Variants in CLIC5 observed in about 807,000 individuals in gnomAD.
CLIC5 encodes the protein chloride intracellular channel protein 5.
CLIC5 carries 20 observed loss-of-function variants against 24.7 expected under a neutral mutation model. That is an observed-to-expected ratio of 0.81 (90% CI 0.57 to 1.18). The LOEUF (loss-of-function observed/expected upper bound fraction) is 1.18, where lower values mean the gene tolerates loss of function less well. Among genes scored for constraint, CLIC5 ranks in the 50% most tolerant of loss-of-function variants. CLIC5 has a pLI of 0.00. For synonymous variants in CLIC5, 159 were observed against 135.6 expected, an observed-to-expected ratio of 1.17 and a Z score of -1.20; for missense variants, 341 against 326.1, an observed-to-expected ratio of 1.05 and a Z score of -0.35.
intron 1 of CLIC5, among the ~76,000 whole-genome samples, chr6:45,980,612 G>T (rs115996468): frequency 2.8e-4 from 43 of 151,622 alleles, no homozygotes; most frequent in African/African-American, 1.0e-3. Flanking sequence ...TCACCACAAA[G>T]AAAAGAATAC....
chr6:45,893,228 TG>T (rs1321134345), intron 6 of CLIC5, among the ~76,000 whole-genome samples: 2 of 149,374 alleles, frequency 1.3e-5, no homozygotes, highest in African/African-American at 2.5e-5. Flanking sequence ...AGTGCCACCC[TG>T]GTTTTTTTTT....
At chr6:46,110,217 G>A in the CLIC5 span, among the ~76,000 whole-genome samples, 1 of 152,210 alleles carries the variant, frequency 6.6e-6, no homozygotes, top group East Asian at 1.9e-4. Flanking sequence ...CTCACCACCT[G>A]TTTCTTTGTT....
chr6:45,905,074 A>C (rs1369967331), intron 5 of CLIC5, among the ~76,000 whole-genome samples: 1 of 152,104 alleles, frequency 6.6e-6, no homozygotes, highest in African/African-American at 2.4e-5. Context: ...TTACATGGCT[A>C]TGTAGTATTC....
intron 1 of CLIC5, among the ~76,000 whole-genome samples, chr6:46,008,020 A>G (rs1766652660): frequency 6.7e-6 from 1 of 150,034 alleles, no homozygotes; most frequent in Non-Finnish European, 1.5e-5. Context: ...CTTTTAGGGT[A>G]TCCATCATAC....
chr6:45,962,163 CATAAT>C (rs1764867460), intron 1 of CLIC5, among the ~76,000 whole-genome samples: 4 of 148,888 alleles, frequency 2.7e-5, no homozygotes, highest in Admixed American at 2.7e-4. Flanking sequence ...ATTATAATAA[CATAAT>C]ATTATATATA....
upstream of CLIC5, among the ~76,000 whole-genome samples, chr6:46,084,768 C>T (rs1218254893): frequency 1.3e-5 from 2 of 152,136 alleles, no homozygotes; most frequent in Non-Finnish European, 2.9e-5. Flanking sequence ...ATGCTTTTCT[C>T]GAGGAGAATC....
At chr6:46,093,696 A>C in the CLIC5 span, among the ~76,000 whole-genome samples, 1 of 152,228 alleles carries the variant, frequency 6.6e-6, no homozygotes, top group Non-Finnish European at 1.5e-5. Flanking sequence ...TAATATGACT[A>C]CTTGGGGAAA....
intron 4 of CLIC5, among the ~76,000 whole-genome samples, chr6:45,930,865 C>T (rs1457607088): frequency 6.6e-6 from 1 of 152,136 alleles, no homozygotes; most frequent in Non-Finnish European, 1.5e-5. Context: ...CTCCATATTA[C>T]CGTTGAGGAG....
chr6:46,126,611 C>T, the CLIC5 span, among the ~76,000 whole-genome samples: 53 of 152,238 alleles, frequency 3.5e-4, no homozygotes, highest in African/African-American at 1.3e-3. Flanking sequence ...CTTTCAAAAT[C>T]ACTAAAATGC....
chr6:45,885,178 T>C (rs1762295140), intron 6 of CLIC5, among the ~76,000 whole-genome samples: 1 of 152,116 alleles, frequency 6.6e-6, no homozygotes, highest in Non-Finnish European at 1.5e-5. Context: ...GTGGGGCCTT[T>C]GAGAGGAGGA....
At chr6:45,904,665 C>CT (rs1561920453) in intron 5 of CLIC5, among the ~76,000 whole-genome samples, 21 of 2,414 alleles carry the variant, frequency 8.7e-3, no homozygotes, top group African/African-American at 0.026. Context: ...TCCCTCCCTA[C>CT]TCCCTTCCTT....
At chr6:45,907,962 G>A (rs1366348460) in intron 5 of CLIC5, among the ~76,000 whole-genome samples, 1 of 152,026 alleles carries the variant, frequency 6.6e-6, no homozygotes, top group Non-Finnish European at 1.5e-5. Context: ...AGCGGTGAGT[G>A]GGCATCCTTG....
At chr6:45,949,524 G>A (rs1314537139) in intron 2 of CLIC5, 143 bp from the exon 3 acceptor site, 4 of 876,722 alleles carry the variant, frequency 4.6e-6, no homozygotes, top group Non-Finnish European at 6.8e-6. Context: ...GCAGTATAGG[G>A]CAGGGGAGGT....
chr6:45,935,230 C>A (rs1157077726), intron 4 of CLIC5, among the ~76,000 whole-genome samples: 1 of 152,158 alleles, frequency 6.6e-6, no homozygotes, highest in East Asian at 1.9e-4. Context: ...AAGTAGGTGT[C>A]AAAGAAACCC....
chr6:46,023,608 G>A lies in CLIC5; in HGVS notation c.540+56095C>T, dbSNP rs537426291. ...ACACACCCAGAGATGAAATGAAAAA[G>A]GAAACATAGGGTCCAAGAGATGGCA... is the stretch of plus-strand genomic sequence containing the variant. On this transcript the variant is annotated intron_variant, in intron 1 of 5. Coordinates refer to the CLIC5 transcript ENST00000185206. Among the ~76,000 whole-genome samples the A allele has an allele frequency of 9.8e-4, 149 of 152,214 alleles. 1 individual carries two copies. Among genetic ancestry groups the A allele is most frequent in the Middle Eastern group, 6.8e-3 (2 of 294 alleles).
At chr6:46,088,161 C>CTGTGTGTGTGTGTG in the CLIC5 span, among the ~76,000 whole-genome samples, 3,412 of 146,406 alleles carry the variant, frequency 0.023, 46 homozygotes, top group Middle Eastern at 0.038. Flanking sequence ...CGCTCTCTTT[C>CTGTGTGTGTGTGTG]TGTGTGTGTG....
chr6:45,885,512 G>T (rs2127281065), intron 6 of CLIC5, among the ~76,000 whole-genome samples: 1 of 152,224 alleles, frequency 6.6e-6, no homozygotes, highest in East Asian at 1.9e-4. Context: ...TTAAAAAATA[G>T]GTCAAATTGA....
At chr6:45,979,796 A>G (rs867617301) in intron 1 of CLIC5, among the ~76,000 whole-genome samples, 3 of 151,284 alleles carry the variant, frequency 2.0e-5, no homozygotes, top group Admixed American at 6.6e-5. Context: ...TGTGAGATGC[A>G]TCATAGTATG....
the CLIC5 span, among the ~76,000 whole-genome samples, chr6:46,117,983 C>T: frequency 1.3e-5 from 2 of 152,276 alleles, no homozygotes; most frequent in Non-Finnish European, 1.5e-5. Flanking sequence ...TCTATTGACA[C>T]ATCACAAGTG....
Sources: gnomAD v4.1 joint callset for allele counts (sites outside exome capture counted in the v4.1 genomes callset) on GRCh38, gnomAD v4.1.1 for gene constraint, MANE v1.5 for transcripts, NCBI Gene and HGNC (gene_info 2026-07-23, HGNC 2026-07-21) for gene names.